The following CRAMP1 variants were observed in gnomAD, a reference collection of about 807,000 sequenced individuals.
CRAMP1 encodes the protein cramped chromatin regulator 1.
In CRAMP1, 50 loss-of-function variants were observed where a neutral mutation model predicts 115.4. That is an observed-to-expected ratio of 0.43 (90% CI 0.35 to 0.55). The LOEUF (loss-of-function observed/expected upper bound fraction) is 0.55. Ranked by LOEUF, CRAMP1 falls within the 20% of genes least tolerant of loss-of-function variation. CRAMP1 has a pLI of 0.01. For missense variants in CRAMP1, 1,679 were observed against 1,721.7 expected (o/e 0.98, Z 0.44); for synonymous variants, 866 against 745.4 (o/e 1.16, Z -2.64).
chr16:1,649,990 C>T (rs761466628), intron 6 of CRAMP1, among the ~76,000 whole-genome samples: 8 of 151,814 alleles, frequency 5.3e-5, no homozygotes, highest in Non-Finnish European at 1.2e-4. Flanking sequence ...GACAGGGTTT[C>T]GTCATATTGG....
At position 1,652,529 on chromosome 16, in the gene CRAMP1, G is replaced by T. The variant is rs925940319; in HGVS notation, c.861G>T (p.Leu287=). 1.9e-6 allele frequency: 3 copies of T among 1,552,716 alleles called. No homozygotes were observed. In the Admixed American group the frequency reaches 5.9e-5, roughly 30 times the overall value. The change falls in exon 7 of 21, where the codon CTG becomes CTT. Residue 287 remains leucine, a synonymous_variant. Coordinates refer to ENST00000397412, the MANE Select transcript of CRAMP1 (RefSeq NM_020825.4). ...ATTVRYKGRN[L]RIKAPMCRAL... The stretch of plus-strand genomic sequence containing the variant: ...CTGTACGTTACAAAGGGCGGAACCT[G>T]CGGATCAAAGCGCCCATGTGCCGGG...
chr16:1,637,959 CT>C, intron 5 of CRAMP1, 52 bp downstream of exon 5: 1 of 934,482 alleles, frequency 1.1e-6, no homozygotes, highest in Non-Finnish European at 1.5e-6. Flanking sequence ...CCTTTGTCAC[CT>C]TTGGGCTTTA....
intron 2 of CRAMP1, among the ~76,000 whole-genome samples, chr16:1,617,212 A>C (rs1462534780): frequency 6.6e-6 from 1 of 152,146 alleles, no homozygotes; most frequent in Non-Finnish European, 1.5e-5. Context: ...CCTTTGCATC[A>C]CAGAACTTCT....
At chr16:1,644,028 G>T (rs2036654084) in intron 6 of CRAMP1, among the ~76,000 whole-genome samples, 1 of 152,246 alleles carries the variant, frequency 6.6e-6, no homozygotes, top group South Asian at 2.1e-4. Flanking sequence ...CTGGGCAGGT[G>T]GCAAAAGAAA....
intron 8 of CRAMP1, among the ~76,000 whole-genome samples, chr16:1,654,160 A>G (rs1596493032): frequency 6.6e-6 from 1 of 151,834 alleles, no homozygotes; most frequent in Non-Finnish European, 1.5e-5. Flanking sequence ...AAAAAAAGAA[A>G]AAATTGAGGT....
At chr16:1,667,552 C>T (rs1264010404) in intron 17 of CRAMP1, 152 bp downstream of exon 17, 5 of 664,736 alleles carry the variant, frequency 7.5e-6, no homozygotes, top group African/African-American at 7.1e-5. Flanking sequence ...GCCGACTGCC[C>T]AGGGTGGATA....
intron 3 of CRAMP1, among the ~76,000 whole-genome samples, chr16:1,630,657 C>T (rs996250106): frequency 1.3e-5 from 2 of 152,196 alleles, no homozygotes; most frequent in Non-Finnish European, 2.9e-5. Context: ...GACGCTGCGC[C>T]GCACTCGGCT....
chr16:1,644,277 C>T (rs1207941041), intron 6 of CRAMP1, among the ~76,000 whole-genome samples: 2 of 152,196 alleles, frequency 1.3e-5, no homozygotes, highest in Non-Finnish European at 2.9e-5. Context: ...TTTGGAACAG[C>T]ATGGTACCAG....
Position 1,655,911 on chromosome 16 carries a change from C to T in CRAMP1, c.1154C>T (p.Ser385Leu), listed in dbSNP as rs942331561. 3 of 1,612,216 alleles carry T rather than the reference C, an allele frequency of 1.9e-6. No individual in the cohort carries two copies. Among genetic ancestry groups the T allele is most frequent in the Non-Finnish European group, 2.5e-6 (3 of 1,179,300 alleles). The change falls in exon 10 of 21, where the codon TCA (serine) becomes TTA (leucine). Residue 385 changes from serine (S) to leucine (L), a missense_variant. Transcript: ENST00000397412. ...CTCGAGGAGCGGCAGCTGCAGGACT[C>T]ATGCTCCGCACCGATGCAGGAGAAG... The part of the protein sequence containing the change: ...KTLEERQLQD[S>L]CSAPMQEKVT...
At position 1,666,838 on chromosome 16, in the gene CRAMP1, G is replaced by A. The variant is rs1242723378; in HGVS notation, c.3036+238G>A. Among the ~76,000 whole-genome samples, 1 of 152,318 alleles carries A rather than the reference G, an allele frequency of 6.6e-6. No individual in the cohort carries two copies. The highest frequency in any genetic ancestry group is 2.4e-5 in the African/African-American group (1 of 41,578). ...GCACTGGAGAACTCAGAGCTAAGAC[G>A]GTGTGGAAACATAGCTCCATCTGAG... On this transcript the variant is annotated intron_variant, in intron 16 of 20. Coordinates refer to ENST00000397412, the MANE Select transcript of CRAMP1 (RefSeq NM_020825.4). This position sits in a 1 kb window ranked among gnomAD's most constrained non-coding sequence, Gnocchi z 5.0.
intron 2 of CRAMP1, among the ~76,000 whole-genome samples, chr16:1,620,184 C>G (rs530305129): frequency 6.6e-6 from 1 of 152,156 alleles, no homozygotes; most frequent in Non-Finnish European, 1.5e-5. Flanking sequence ...GCATCTGATG[C>G]GATGTCTTGT....
intron 10 of CRAMP1, among the ~76,000 whole-genome samples, chr16:1,658,093 G>T (rs1171223156): frequency 2.6e-5 from 4 of 152,108 alleles, no homozygotes; most frequent in Admixed American, 1.3e-4. Context: ...CTTTTTTTCC[G>T]CTCCCACCCC....
At chr16:1,625,413 CG>C (rs977773343) in intron 2 of CRAMP1, among the ~76,000 whole-genome samples, 2 of 152,024 alleles carry the variant, frequency 1.3e-5, no homozygotes, top group East Asian at 3.9e-4. Context: ...CAGAACACTA[CG>C]TTTTTTTGGT....
intron 10 of CRAMP1, among the ~76,000 whole-genome samples, chr16:1,659,306 G>A (rs959259908): frequency 6.6e-6 from 1 of 152,212 alleles, no homozygotes; most frequent in African/African-American, 2.4e-5. Flanking sequence ...TCTGCCCGTA[G>A]CACGTGGAAA....
chr16:1,624,705 C>T lies in CRAMP1; in HGVS notation c.347-1268C>T, dbSNP rs566545417. Among the ~76,000 whole-genome samples the T allele has an allele frequency of 1.1e-3, 172 of 152,264 alleles. 3 individuals are homozygous for T. Among genetic ancestry groups the T allele is most frequent in the Admixed American group, 4.6e-4 (7 of 15,292 alleles). ...ACGATTCTCCTGCCTCAGCCCCTCCCGAGTAGCTGGGACTACAGGCGTGTG... is the reference window on the plus strand; with the variant it reads ...ACGATTCTCCTGCCTCAGCCCCTCCTGAGTAGCTGGGACTACAGGCGTGTG... On this transcript the variant is annotated intron_variant, in intron 2 of 20. Coordinates refer to ENST00000397412, the MANE Select transcript of CRAMP1 (RefSeq NM_020825.4).
intron 13 of CRAMP1, among the ~76,000 whole-genome samples, chr16:1,664,431 C>G (rs955543631): frequency 1.3e-5 from 2 of 152,166 alleles, no homozygotes; most frequent in Middle Eastern, 3.2e-3. Flanking sequence ...TGGTTATAAA[C>G]AGGTTTGTAT....
At chr16:1,657,646 C>T (rs2036787834) in intron 10 of CRAMP1, among the ~76,000 whole-genome samples, 1 of 152,150 alleles carries the variant, frequency 6.6e-6, no homozygotes, top group African/African-American at 2.4e-5. Context: ...ACGGTCCCTG[C>T]AGGGTGTGGG....
chr16:1,658,835 G>T (rs1340255234), intron 10 of CRAMP1, among the ~76,000 whole-genome samples: 1 of 152,202 alleles, frequency 6.6e-6, no homozygotes, highest in East Asian at 1.9e-4. Context: ...AGAGCACGGG[G>T]TGGAGGGCTT....
intron 6 of CRAMP1, among the ~76,000 whole-genome samples, chr16:1,648,145 TAGC>T (rs903588388): frequency 2.4e-4 from 37 of 151,792 alleles, no homozygotes; most frequent in African/African-American, 8.7e-4. Flanking sequence ...AGTCACAAAA[TAGC>T]AGTTTAACGG....
Sources: gnomAD v4.1 joint callset for allele counts (sites outside exome capture counted in the v4.1 genomes callset) on GRCh38, gnomAD v4.1.1 for gene constraint, Gnocchi (gnomAD v3.1) non-coding constraint, MANE v1.5 for transcripts, NCBI Gene and HGNC (gene_info 2026-07-23, HGNC 2026-07-21) for gene names.